The following TAF15 variants were observed in gnomAD, a reference collection of about 807,000 sequenced individuals.
TAF15 encodes the protein TATA-box binding protein associated factor 15, also known as TATA-binding protein-associated factor 2N.
TAF15 carries 37 observed loss-of-function variants against 102.5 expected under a neutral mutation model. That is an observed-to-expected ratio of 0.36 (90% CI 0.28 to 0.47). The LOEUF (loss-of-function observed/expected upper bound fraction) is 0.47, where lower values mean the gene tolerates loss of function less well. Ranked by LOEUF, TAF15 falls within the 20% of genes least tolerant of loss-of-function variation. The pLI, the probability that TAF15 is intolerant of heterozygous loss-of-function variation, is 0.99. For synonymous variants in TAF15, 273 were observed against 259.2 expected (o/e 1.05, Z -0.51); for missense variants, 652 against 760.7 (o/e 0.86, Z 1.68).
At chr17:35,816,218 C>T (rs983321944) in intron 1 of TAF15, among the ~76,000 whole-genome samples, 2 of 152,150 alleles carry the variant, frequency 1.3e-5, no homozygotes, top group Admixed American at 1.3e-4. Context: ...GTATCACCCA[C>T]TTATATTTGG....
chr17:35,838,755 C>T (rs2143815555), intron 11 of TAF15, among the ~76,000 whole-genome samples: 1 of 152,284 alleles, frequency 6.6e-6, no homozygotes, highest in East Asian at 1.9e-4. Flanking sequence ...TATATCATGC[C>T]TTGTGCATGA....
chr17:35,845,447 G>C (rs561725592), intron 15 of TAF15, among the ~76,000 whole-genome samples: 2 of 152,120 alleles, frequency 1.3e-5, no homozygotes, highest in African/African-American at 4.8e-5. Flanking sequence ...GTAGAGACAG[G>C]GTCTCACTAT....
In TAF15 at chr17:35,809,590, T is replaced by G; in HGVS notation, c.7+14T>G. 6.2e-7 allele frequency: 1 copy of G among 1,613,294 alleles called. No homozygotes were observed. Among genetic ancestry groups the G allele is most frequent in the East Asian group, 2.2e-5 (1 of 44,862 alleles). On this transcript the variant is annotated intron_variant, in intron 1 of 15. Transcript: ENST00000605844. Reference sequence around the variant, plus strand: ...TAGTCATGTCGGGTAGGTGACTTCTTCAGCGAGCAGCGGCAGCGACGAGAA... The same window carrying G: ...TAGTCATGTCGGGTAGGTGACTTCTGCAGCGAGCAGCGGCAGCGACGAGAA...
chr17:35,823,492 G>C (rs2087287986), intron 6 of TAF15: 1 of 166,696 alleles, frequency 6.0e-6, no homozygotes, highest in Non-Finnish European at 1.3e-5. Context: ...GAGGTCAGGA[G>C]ATCGAGACCA....
At chr17:35,841,240 C>G (rs2087539478) in intron 11 of TAF15, among the ~76,000 whole-genome samples, 2 of 152,122 alleles carry the variant, frequency 1.3e-5, no homozygotes, top group Non-Finnish European at 2.9e-5. Context: ...TCTTTTTCAC[C>G]TTTGAATCCC....
At chr17:35,837,591 G>A (rs929472901) in intron 10 of TAF15, among the ~76,000 whole-genome samples, 2 of 152,048 alleles carry the variant, frequency 1.3e-5, no homozygotes, top group Non-Finnish European at 2.9e-5. Flanking sequence ...ACTTTGGGAG[G>A]CCAAGGCGGG....
intron 9 of TAF15, 33 bp downstream of exon 9, chr17:35,834,631 T>G: frequency 1.9e-6 from 3 of 1,608,558 alleles, no homozygotes; most frequent in Non-Finnish European, 2.5e-6. Context: ...ACTTTGCCAT[T>G]AAGAAAATGT....
intron 7 of TAF15, among the ~76,000 whole-genome samples, chr17:35,827,801 G>A (rs2087349168): frequency 6.6e-6 from 1 of 152,282 alleles, no homozygotes; most frequent in South Asian, 2.1e-4. Flanking sequence ...TGATTGCCTG[G>A]CTAGAAGAAG....
In TAF15 at chr17:35,834,585, C is replaced by T. The variant is rs138790468; in HGVS notation, c.660C>T (p.Pro220=). The change falls in exon 9 of 16, where the codon CCC becomes CCT. Residue 220 remains proline, a synonymous_variant. Transcript: ENST00000605844. Reference sequence around the variant, plus strand: ...CCTTAGGTCACAGGGATTATGGACCCAGAACAGATGCTGGTAAGGTTTATG... The same window carrying T: ...CCTTAGGTCACAGGGATTATGGACCTAGAACAGATGCTGGTAAGGTTTATG... ...KNFGGHRDYG[P]RTDADSESDN... is the part of the protein sequence containing the mutation. The T allele has an allele frequency of 1.8e-4, 293 of 1,613,062 alleles. 1 individual carries two copies. The African/African-American group carries it at 3.3e-3, about 18-fold the overall frequency.
Position 35,819,905 on chromosome 17 carries a change from A to T in TAF15, c.48-119A>T, listed in dbSNP as rs529699987. The T allele has an allele frequency of 5.8e-5, 51 of 874,446 alleles. No individual in the cohort carries two copies. In the African/African-American group the frequency reaches 8.1e-4, roughly 14 times the overall value. 54.2% of individuals were successfully genotyped at this position (874,446 alleles called of 1,614,324 possible). A position where few individuals can be genotyped will look rare whatever the true frequency, so the allele number is the denominator to read the frequency against. On this transcript the variant is annotated intron_variant, in intron 2 of 15. Transcript: ENST00000605844. ...TTAGACTCTAGAGACAGGGAGATTG[A>T]TGATTTCTCAGCAAAGAAGCTTGTA... is the stretch of plus-strand genomic sequence containing the variant.
At chr17:35,819,779 A>G (rs2087238075) in intron 2 of TAF15, among the ~76,000 whole-genome samples, 1 of 152,210 alleles carries the variant, frequency 6.6e-6, no homozygotes, top group Non-Finnish European at 1.5e-5. Flanking sequence ...TTATTTCTGC[A>G]AGATTGTGAA....
At chr17:35,845,600 C>T (rs2087614534) in intron 15 of TAF15, among the ~76,000 whole-genome samples, 1 of 152,120 alleles carries the variant, frequency 6.6e-6, no homozygotes, top group Non-Finnish European at 1.5e-5. Flanking sequence ...GCAAGCCCCG[C>T]CTCCTGGGTT....
Position 35,844,095 on chromosome 17 carries a change from G to C in TAF15, c.1025G>C (p.Gly342Ala). 1 of 1,614,180 alleles carries C rather than the reference G, an allele frequency of 6.2e-7. No homozygotes were observed. Among genetic ancestry groups the C allele is most frequent in the Non-Finnish European group, 8.5e-7 (1 of 1,180,024 alleles). ...CCCCTAGGCCGTGGAGGATATAGAGGTCGTGGAGGCTTTCAAGGGAGAGGT... is the reference window on the plus strand; with the variant it reads ...CCCCTAGGCCGTGGAGGATATAGAGCTCGTGGAGGCTTTCAAGGGAGAGGT... ...GGRRGRGGYRGRGGFQGRGGD... is the reference protein window; with the variant it reads ...GGRRGRGGYRARGGFQGRGGD... The change falls in exon 13 of 16, where the codon GGT (glycine) becomes GCT (alanine). Residue 342 changes from glycine (G) to alanine (A), a missense_variant. By Grantham distance (60) the Gly-to-Ala change is moderately conservative (BLOSUM62 0). Around this residue, in one of 3 missense-constraint regions of TAF15, gnomAD observed 368 missense variants for 367.5 expected, o/e 1.00. Transcript: ENST00000605844.
intron 7 of TAF15, among the ~76,000 whole-genome samples, chr17:35,828,072 A>C (rs1371506740): frequency 6.6e-6 from 1 of 152,168 alleles, no homozygotes; most frequent in Non-Finnish European, 1.5e-5. Flanking sequence ...TTAATAAATA[A>C]TTGCTTTTCA....
intron 5 of TAF15, among the ~76,000 whole-genome samples, chr17:35,821,275 A>C (rs1172144087): frequency 6.6e-6 from 1 of 152,210 alleles, no homozygotes; most frequent in African/African-American, 2.4e-5. Context: ...AGTAGAAAGT[A>C]GAGTACAAAT....
intron 2 of TAF15, chr17:35,818,647 A>G (rs1384783702): frequency 6.6e-6 from 1 of 152,132 alleles, no homozygotes; most frequent in Non-Finnish European, 1.5e-5. Context: ...GTCTCTAAAA[A>G]AAAAATTTTT....
Position 35,844,270 on chromosome 17 carries a change from CCTTT to C in TAF15, c.1089-6_1089-3del. The C allele has an allele frequency of 1.2e-6, 2 of 1,614,106 alleles. No homozygotes were observed. Among genetic ancestry groups the C allele is most frequent in the South Asian group, 2.2e-5 (2 of 91,074 alleles). ...CTATATAGGAGCATTATATTTTCCT[CCTTT>C]CTTAGGTCATGCGGAAATATGAACT... On this transcript the variant is annotated splice_region_variant and splice_polypyrimidine_tract_variant and intron_variant, in intron 13 of 15. Coordinates refer to ENST00000605844, the MANE Select transcript of TAF15 (RefSeq NM_139215.3).
intron 1 of TAF15, among the ~76,000 whole-genome samples, chr17:35,816,273 A>G (rs2087193835): frequency 6.6e-6 from 1 of 152,194 alleles, no homozygotes; most frequent in Non-Finnish European, 1.5e-5. Flanking sequence ...TGGATGAAAA[A>G]GTTTGTTCTA....
intron 7 of TAF15, among the ~76,000 whole-genome samples, chr17:35,832,212 A>G (rs1310212918): frequency 1.3e-5 from 2 of 152,188 alleles, no homozygotes; most frequent in Admixed American, 6.5e-5. Context: ...TTTAGAAGTA[A>G]AGGGAGGGCT....
Sources: gnomAD v4.1 joint callset for allele counts (sites outside exome capture counted in the v4.1 genomes callset) on GRCh38, gnomAD v4.1.1 for gene constraint, gnomAD v4.1.1 regional missense constraint, MANE v1.5 for transcripts, NCBI Gene and HGNC (gene_info 2026-07-23, HGNC 2026-07-21) for gene names.